ARHGAP24: variants seen among roughly 807,000 people sequenced by gnomAD.
ARHGAP24 encodes the protein Rho GTPase activating protein 24.
A neutral mutation model predicts 76.4 loss-of-function variants in ARHGAP24; 50 were observed. That is an observed-to-expected ratio of 0.65 (90% CI 0.52 to 0.83). ARHGAP24 has a LOEUF of 0.83. ARHGAP24 is among the 40% of genes least tolerant of loss of function. The pLI, the probability that ARHGAP24 is intolerant of heterozygous loss-of-function variation, is 0.00. For missense variants in ARHGAP24, 930 were observed against 914.2 expected (o/e 1.02, Z -0.22); for synonymous variants, 345 against 323.3 (o/e 1.07, Z -0.72).
chr4:85,854,316 A>T (rs1283423983), intron 3 of ARHGAP24, among the ~76,000 whole-genome samples: 1 of 152,166 alleles, frequency 6.6e-6, no homozygotes, highest in Non-Finnish European at 1.5e-5. Context: ...TCCTTCAGTG[A>T]ACTGAAGACT....
At chr4:85,707,709 G>T (rs1724372366) in intron 2 of ARHGAP24, among the ~76,000 whole-genome samples, 1 of 152,066 alleles carries the variant, frequency 6.6e-6, no homozygotes, top group Non-Finnish European at 1.5e-5. Flanking sequence ...GACCGCTAAT[G>T]AACATTATTA....
intron 5 of ARHGAP24, among the ~76,000 whole-genome samples, chr4:85,959,534 G>GTTTTTCC (rs1425236198): frequency 1.3e-5 from 2 of 152,094 alleles, no homozygotes; most frequent in African/African-American, 2.4e-5. Context: ...TATATCAGTA[G>GTTTTTCC]TTTTTCCCTT....
chr4:85,985,891 T>G (rs1739958107), intron 8 of ARHGAP24, among the ~76,000 whole-genome samples: 1 of 152,246 alleles, frequency 6.6e-6, no homozygotes, highest in African/African-American at 2.4e-5. Flanking sequence ...TGAGTGAGTG[T>G]AATCCAAGTG....
At chr4:85,570,338 T>C (rs28560478) in intron 1 of ARHGAP24, among the ~76,000 whole-genome samples, 184 bp from the exon 2 acceptor site, 2 of 151,600 alleles carry the variant, frequency 1.3e-5, no homozygotes, top group Non-Finnish European at 1.5e-5. Context: ...TCTCTCTTTC[T>C]TTTTTTCTTT....
intron 3 of ARHGAP24, among the ~76,000 whole-genome samples, chr4:85,875,989 G>T (rs1468039858): frequency 1.3e-5 from 2 of 151,758 alleles, no homozygotes; most frequent in African/African-American, 4.8e-5. Context: ...GTGATCCACC[G>T]GCCTCAGCCT....
intron 2 of ARHGAP24, among the ~76,000 whole-genome samples, chr4:85,649,009 ATATGTGTG>A (rs1380318419): frequency 2.7e-5 from 1 of 37,340 alleles, no homozygotes; most frequent in Non-Finnish European, 6.1e-5. Context: ...GCATTTGTAA[ATATGTGTG>A]TGTGTGTGTG....
At chr4:85,510,795 C>T (rs1040259101) in intron 1 of ARHGAP24, among the ~76,000 whole-genome samples, 3 of 140,920 alleles carry the variant, frequency 2.1e-5, no homozygotes, top group African/African-American at 7.9e-5. Flanking sequence ...CCTCTAGCCC[C>T]TCCCCTTCCT....
chr4:85,663,031 G>A (rs1722466715), intron 2 of ARHGAP24, among the ~76,000 whole-genome samples: 2 of 152,044 alleles, frequency 1.3e-5, no homozygotes, highest in Non-Finnish European at 2.9e-5. Context: ...GAACTTTAAA[G>A]TAGTTTTTTC....
chr4:85,886,198 A>G (rs1273136046), intron 3 of ARHGAP24, among the ~76,000 whole-genome samples: 1 of 152,176 alleles, frequency 6.6e-6, no homozygotes, highest in Non-Finnish European at 1.5e-5. Context: ...ATGATTGTCA[A>G]TGACCATTAT....
At chr4:85,595,206 A>C (rs1300084380) in intron 2 of ARHGAP24, among the ~76,000 whole-genome samples, 1 of 152,148 alleles carries the variant, frequency 6.6e-6, no homozygotes, top group Admixed American at 6.6e-5. Flanking sequence ...CCTCTTTCTC[A>C]GGTTGATGGA....
chr4:85,942,605 T>C lies in ARHGAP24; in HGVS notation c.599+332T>C, dbSNP rs113969457. On this transcript the variant is annotated intron_variant, in intron 5 of 9. Coordinates refer to ENST00000395184, the MANE Select transcript of ARHGAP24 (RefSeq NM_001025616.3). ...TTGCTTAATGTTTTTAAATTCTTTCTGTTAAGTAATGTTAAAAGTATTATG... is the reference window on the plus strand; with the variant it reads ...TTGCTTAATGTTTTTAAATTCTTTCCGTTAAGTAATGTTAAAAGTATTATG... Among the ~76,000 whole-genome samples, 774 of 152,336 alleles carry C rather than the reference T, an allele frequency of 5.1e-3. 13 individuals are homozygous for C. The highest frequency in any genetic ancestry group is 0.017 in the African/African-American group (726 of 41,570).
intron 3 of ARHGAP24, among the ~76,000 whole-genome samples, chr4:85,847,776 C>T (rs1174919538): frequency 6.6e-6 from 1 of 152,108 alleles, no homozygotes; most frequent in Non-Finnish European, 1.5e-5. Flanking sequence ...TATCTGCCCA[C>T]AGCATTAGAG....
chr4:85,781,873 C>CA (rs895988725), intron 3 of ARHGAP24, among the ~76,000 whole-genome samples: 1 of 151,402 alleles, frequency 6.6e-6, no homozygotes. Context: ...ATCTCTACTA[C>CA]AAAAAATAAA....
chr4:85,634,068 A>G (rs150833172), intron 2 of ARHGAP24, among the ~76,000 whole-genome samples: 7 of 152,008 alleles, frequency 4.6e-5, no homozygotes, highest in African/African-American at 1.7e-4. Flanking sequence ...GATGTTTTGC[A>G]TGTAGTAATT....
At chr4:85,893,822 C>G (rs1733974915) in intron 3 of ARHGAP24, among the ~76,000 whole-genome samples, 1 of 150,708 alleles carries the variant, frequency 6.6e-6, no homozygotes, top group African/African-American at 2.4e-5. Flanking sequence ...AATTGGAAAC[C>G]ATCATTCTCA....
intron 9 of ARHGAP24, chr4:86,000,191 C>G: frequency 3.2e-6 from 1 of 308,512 alleles, no homozygotes; most frequent in Non-Finnish European, 6.2e-6. Flanking sequence ...GCATGTGTTA[C>G]TGGCTTATCT....
chr4:85,682,978 G>A (rs1723263397), intron 2 of ARHGAP24, among the ~76,000 whole-genome samples: 2 of 151,714 alleles, frequency 1.3e-5, no homozygotes, highest in South Asian at 2.1e-4. Flanking sequence ...ACTTTGCCTG[G>A]TACATTACAA....
chr4:85,539,914 G>C (rs367883178), intron 1 of ARHGAP24, among the ~76,000 whole-genome samples: 1 of 152,004 alleles, frequency 6.6e-6, no homozygotes, highest in Non-Finnish European at 1.5e-5. Flanking sequence ...GTGTGGTGGC[G>C]GGTTCCTGTA....
intron 1 of ARHGAP24, among the ~76,000 whole-genome samples, chr4:85,559,632 G>A (rs2110134607): frequency 6.6e-6 from 1 of 152,268 alleles, no homozygotes; most frequent in South Asian, 2.1e-4. Flanking sequence ...GTGAGGGAGT[G>A]GAGTACACAC....
Sources: allele counts gnomAD v4.1 joint callset (sites outside exome capture counted in the v4.1 genomes callset), GRCh38; gene constraint gnomAD v4.1.1; transcripts MANE v1.5; gene names NCBI Gene and HGNC (gene_info 2026-07-23, HGNC 2026-07-21).